Variants in CACNA1E observed in about 807,000 individuals in gnomAD.
CACNA1E encodes the protein calcium voltage-gated channel subunit alpha1 E.
Under a neutral mutation model 259.2 loss-of-function variants are expected in CACNA1E, and 40 were observed. The observed-to-expected ratio is 0.15, with a 90% confidence interval of 0.12 to 0.20. The LOEUF is 0.20. Ranked by LOEUF, CACNA1E falls within the 10% of genes least tolerant of loss-of-function variation. The pLI is 1.00. For synonymous variants in CACNA1E, 1,104 were observed against 1,138.5 expected (o/e 0.97, Z 0.61); for missense variants, 1,874 against 3,040.1 (o/e 0.62, Z 9.02).
At chr1:181,749,854 A>T (rs1206455201) in intron 25 of CACNA1E, among the ~76,000 whole-genome samples, 1 of 152,264 alleles carries the variant, frequency 6.6e-6, no homozygotes, top group African/African-American at 2.4e-5. Context: ...TTGGTGTGAC[A>T]TCATGATCTT....
intron 1 of CACNA1E, among the ~76,000 whole-genome samples, chr1:181,368,631 G>T (rs1170456690): frequency 6.6e-6 from 1 of 152,112 alleles, no homozygotes; most frequent in Non-Finnish European, 1.5e-5. Context: ...GGGGTTGGGG[G>T]GCAGGACCAG....
intron 43 of CACNA1E, among the ~76,000 whole-genome samples, chr1:181,790,023 A>G (rs1213108782): frequency 6.6e-6 from 1 of 152,246 alleles, no homozygotes; most frequent in African/African-American, 2.4e-5. Flanking sequence ...AAATAAGACC[A>G]TATTCTTACT....
At chr1:181,386,734 G>A (rs924479485) in intron 1 of CACNA1E, among the ~76,000 whole-genome samples, 4 of 152,150 alleles carry the variant, frequency 2.6e-5, no homozygotes, top group African/African-American at 9.7e-5. Context: ...AGTATTGTCT[G>A]CTCATCATAT....
intron 2 of CACNA1E, among the ~76,000 whole-genome samples, chr1:181,440,437 G>C (rs1251170874): frequency 6.6e-6 from 1 of 152,170 alleles, no homozygotes; most frequent in Non-Finnish European, 1.5e-5. Flanking sequence ...CCCAGGGGAG[G>C]TGGACTGAAA....
chr1:181,482,328 G>C (rs1663334269), upstream of CACNA1E, among the ~76,000 whole-genome samples: 2 of 152,274 alleles, frequency 1.3e-5, no homozygotes, highest in Non-Finnish European at 2.9e-5. Flanking sequence ...CCTCTCTGCA[G>C]GGACCCAAGA....
chr1:181,794,831 A>G, intron 45 of CACNA1E, 33 bp from the exon 46 acceptor site: 1 of 1,585,422 alleles, frequency 6.3e-7, no homozygotes, highest in South Asian at 1.1e-5. Flanking sequence ...GTTAATCCAT[A>G]CCTTGTGTTT....
At chr1:181,327,260 G>A (rs1650867028) in intron 1 of CACNA1E, among the ~76,000 whole-genome samples, 1 of 152,068 alleles carries the variant, frequency 6.6e-6, no homozygotes, top group Non-Finnish European at 1.5e-5. Context: ...CCTATGATGG[G>A]GTCATTGTGC....
intron 3 of CACNA1E, among the ~76,000 whole-genome samples, chr1:181,539,062 T>C (rs1462282269): frequency 6.6e-6 from 1 of 152,222 alleles, no homozygotes; most frequent in Non-Finnish European, 1.5e-5. Context: ...TGCTATTTCA[T>C]GCCTCCTTCC....
intron 3 of CACNA1E, among the ~76,000 whole-genome samples, chr1:181,558,111 C>T (rs937783274): frequency 2.0e-5 from 3 of 152,152 alleles, no homozygotes; most frequent in African/African-American, 4.8e-5. Flanking sequence ...AAGCAAGTGA[C>T]ATTTGTCTTG....
At chr1:181,546,617 G>A (rs1647502027) in intron 3 of CACNA1E, among the ~76,000 whole-genome samples, 1 of 152,162 alleles carries the variant, frequency 6.6e-6, no homozygotes, top group African/African-American at 2.4e-5. Context: ...GCTCTTAGTA[G>A]ACACCACCAC....
At chr1:181,679,303 G>T (rs2102250200) in intron 7 of CACNA1E, among the ~76,000 whole-genome samples, 1 of 152,330 alleles carries the variant, frequency 6.6e-6, no homozygotes, top group Admixed American at 6.5e-5. Flanking sequence ...GTGAACTGCA[G>T]GAGCCTTGCA....
chr1:181,615,407 C>T (rs952301218), intron 6 of CACNA1E, among the ~76,000 whole-genome samples: 2 of 152,100 alleles, frequency 1.3e-5, no homozygotes, highest in Admixed American at 6.5e-5. Context: ...CCAGGCTGGT[C>T]TTGAACTCCT....
At chr1:181,497,321 A>G (rs1390723876) in intron 1 of CACNA1E, among the ~76,000 whole-genome samples, 3 of 152,222 alleles carry the variant, frequency 2.0e-5, no homozygotes, top group African/African-American at 7.2e-5. Context: ...TAGAACTTCT[A>G]ACAGCTTTCT....
intron 1 of CACNA1E, among the ~76,000 whole-genome samples, chr1:181,405,108 A>G (rs933027152): frequency 1.3e-5 from 2 of 152,254 alleles, no homozygotes; most frequent in African/African-American, 4.8e-5. Context: ...TTAATCTGCC[A>G]GCACAAACAG....
intron 25 of CACNA1E, among the ~76,000 whole-genome samples, chr1:181,739,539 A>T (rs1656367446): frequency 6.6e-6 from 1 of 152,142 alleles, no homozygotes; most frequent in African/African-American, 2.4e-5. Context: ...ATGGGCAGGC[A>T]CTCACAGTGT....
chr1:181,654,113 G>C (rs999565359), intron 7 of CACNA1E, among the ~76,000 whole-genome samples: 2 of 151,092 alleles, frequency 1.3e-5, no homozygotes, highest in African/African-American at 4.9e-5. Context: ...ATTAGAGATA[G>C]AAGAGAAACC....
rs544363901 is a variant in CACNA1E at position 181,577,945 on chromosome 1, A to G, written c.616+76A>G. ...CTCAGCTGGATCCAGGTCTAAGGGA[A>G]TTTGGGATAAACAAACAATATTCCT... On this transcript the variant is annotated intron_variant, in intron 4 of 47. Transcript: ENST00000367573. 89 of 949,130 alleles carry G rather than the reference A, an allele frequency of 9.4e-5. No homozygotes were observed. The South Asian group carries it at 1.3e-3, about 14-fold the overall frequency. 58.8% of individuals were successfully genotyped at this position (949,130 alleles called of 1,614,324 possible).
At chr1:181,705,766 C>G (rs1023008951) in intron 7 of CACNA1E, among the ~76,000 whole-genome samples, 1 of 152,216 alleles carries the variant, frequency 6.6e-6, no homozygotes, top group Non-Finnish European at 1.5e-5. Flanking sequence ...TCAGGACTCT[C>G]AGAGTCAACC....
chr1:181,566,384 C>G (rs1355505969), intron 3 of CACNA1E, among the ~76,000 whole-genome samples: 4 of 152,084 alleles, frequency 2.6e-5, no homozygotes, highest in Admixed American at 1.3e-4. Context: ...AGAAATGTTT[C>G]TTTTTCTTTT....
Sources: allele counts gnomAD v4.1 joint callset (sites outside exome capture counted in the v4.1 genomes callset), GRCh38; gene constraint gnomAD v4.1.1; transcripts MANE v1.5; gene names NCBI Gene and HGNC (gene_info 2026-07-23, HGNC 2026-07-21).